TMEM196: variants seen among roughly 807,000 people sequenced by gnomAD.
TMEM196 encodes transmembrane protein 196.
In TMEM196, 17 loss-of-function variants were observed where a neutral mutation model predicts 20.0. That is an observed-to-expected ratio of 0.85 (90% CI 0.58 to 1.27). The LOEUF (loss-of-function observed/expected upper bound fraction) is 1.27, where lower values mean the gene tolerates loss of function less well. TMEM196 is among the 50% of genes most tolerant of loss of function. TMEM196 has a pLI of 0.00. For synonymous variants in TMEM196, 113 were observed against 88.9 expected (o/e 1.27, Z -1.52); for missense variants, 267 against 223.0 (o/e 1.20, Z -1.26).
At chr7:19,766,705 G>A (rs947411751) in intron 1 of TMEM196, among the ~76,000 whole-genome samples, 7 of 151,042 alleles carry the variant, frequency 4.6e-5, no homozygotes, top group South Asian at 2.1e-4. Context: ...TTTAGTTTGC[G>A]TGTGTGTGTA....
intron 1 of TMEM196, among the ~76,000 whole-genome samples, chr7:19,740,417 C>A (rs1212585345): frequency 6.6e-6 from 1 of 152,052 alleles, no homozygotes; most frequent in Non-Finnish European, 1.5e-5. Flanking sequence ...GGGGACTGAA[C>A]TTTTGTTGAA....
chr7:19,767,767 T>C (rs1785696773), intron 1 of TMEM196, among the ~76,000 whole-genome samples: 1 of 152,034 alleles, frequency 6.6e-6, no homozygotes, highest in Admixed American at 6.6e-5. Flanking sequence ...AAGTACTTGA[T>C]GTGGGAGAAA....
At chr7:19,770,917 C>T (rs1318059225) in intron 1 of TMEM196, among the ~76,000 whole-genome samples, 2 of 151,816 alleles carry the variant, frequency 1.3e-5, no homozygotes, top group African/African-American at 2.4e-5. Flanking sequence ...CTAGGGAAAA[C>T]CTAACTTAAT....
chr7:19,769,470 C>A (rs1323469497), intron 1 of TMEM196, among the ~76,000 whole-genome samples: 1 of 152,104 alleles, frequency 6.6e-6, no homozygotes, highest in Admixed American at 6.6e-5. Flanking sequence ...GCCTACTCTT[C>A]CTGGGCCACA....
chr7:19,729,849 T>C (rs1276097011), intron 1 of TMEM196, among the ~76,000 whole-genome samples: 1 of 152,176 alleles, frequency 6.6e-6, no homozygotes, highest in Non-Finnish European at 1.5e-5. Flanking sequence ...CAAAAGATAA[T>C]GCATCAGACA....
At chr7:19,767,836 A>G (rs182779530) in intron 1 of TMEM196, among the ~76,000 whole-genome samples, 23 of 152,132 alleles carry the variant, frequency 1.5e-4, no homozygotes, top group Admixed American at 1.1e-3. Flanking sequence ...ATTTGCAGTA[A>G]CTGAGAGGTT....
In TMEM196 at chr7:19,721,807, T is replaced by C. The variant is rs1780494975; in HGVS notation, c.*321A>G. ...TATAGAATATGCATTTTATTTCTGT[T>C]TTATTATCTCTTTTTCCTGAAAAGT... On this transcript the variant is annotated 3_prime_UTR_variant, in exon 5 of 5. Transcript: ENST00000405844. 1 of 348,350 alleles carries C rather than the reference T, an allele frequency of 2.9e-6. No homozygotes were observed. Among genetic ancestry groups the C allele is most frequent in the South Asian group, 4.4e-5 (1 of 22,752 alleles). 21.6% of individuals were successfully genotyped at this position (348,350 alleles called of 1,614,324 possible).
At chr7:19,742,087 C>A (rs991863694) in intron 1 of TMEM196, among the ~76,000 whole-genome samples, 1 of 152,070 alleles carries the variant, frequency 6.6e-6, no homozygotes, top group Non-Finnish European at 1.5e-5. Context: ...GGACGAAATC[C>A]AGATACTTTT....
At position 19,729,674 on chromosome 7, in the gene TMEM196, A is replaced by C. The variant is rs140982619; in HGVS notation, c.148-236T>G. Among the ~76,000 whole-genome samples the C allele has an allele frequency of 4.0e-3, 603 of 152,346 alleles. 6 individuals are homozygous for C. Among genetic ancestry groups the C allele is most frequent in the Middle Eastern group, 0.014 (4 of 294 alleles). ...AGGTAATTGAATCAGTTTTAGCATC[A>C]GGTAAAATTATTAAGTAAATGAATT... On this transcript the variant is annotated intron_variant, in intron 1 of 4. Transcript: ENST00000405844.
intron 1 of TMEM196, among the ~76,000 whole-genome samples, chr7:19,734,884 A>G (rs1784343995): frequency 6.6e-6 from 1 of 152,216 alleles, no homozygotes; most frequent in Non-Finnish European, 1.5e-5. Flanking sequence ...GAATTACTGG[A>G]AGTAGTATTC....
chr7:19,760,326 T>C (rs1452822826), intron 1 of TMEM196, among the ~76,000 whole-genome samples: 1 of 151,732 alleles, frequency 6.6e-6, no homozygotes, highest in East Asian at 1.9e-4. Context: ...AGTTATTTTA[T>C]ATTCTTCATA....
At chr7:19,728,553 TC>T (rs1301410369) in intron 2 of TMEM196, among the ~76,000 whole-genome samples, 1 of 152,186 alleles carries the variant, frequency 6.6e-6, no homozygotes, top group Non-Finnish European at 1.5e-5. Flanking sequence ...CTGCAATGCT[TC>T]CCATTCCCTG....
rs1028350023 is a variant in TMEM196, at chr7:19,728,131, AAAC to A, written c.204+1248_204+1250del. ...GAAGTGCCACTATTGCCTTTGTATA[AAAC>A]AACAACAACAAAAAGCCTCTTCCTT... is the stretch of plus-strand genomic sequence containing the variant. On this transcript the variant is annotated intron_variant, in intron 2 of 4. Coordinates refer to ENST00000405844, the MANE Select transcript of TMEM196 (RefSeq NM_001363562.2). Among the ~76,000 whole-genome samples the A allele has an allele frequency of 3.9e-5, 6 of 152,192 alleles. No homozygotes were observed. The East Asian group carries it at 7.7e-4, about 20-fold the overall frequency.
intron 1 of TMEM196, 133 bp from the exon 2 acceptor site, chr7:19,729,571 G>C (rs1784124814): frequency 1.3e-6 from 1 of 759,860 alleles, no homozygotes; most frequent in South Asian, 2.0e-5. Context: ...AACCTGGAGA[G>C]GATAAGATCT....
intron 1 of TMEM196, among the ~76,000 whole-genome samples, chr7:19,768,725 C>T (rs773784773): frequency 1.3e-5 from 2 of 152,262 alleles, no homozygotes; most frequent in East Asian, 1.9e-4. Flanking sequence ...GCTATAATGA[C>T]ACCTATAGCT....
intron 1 of TMEM196, among the ~76,000 whole-genome samples, chr7:19,750,630 C>T (rs950670983): frequency 1.3e-5 from 2 of 152,112 alleles, no homozygotes; most frequent in East Asian, 1.9e-4. Context: ...AATAGGACAA[C>T]AGAGATTAAA....
rs971218622 is a variant in TMEM196 at position 19,719,883 on chromosome 7, A to G, written c.*2245T>C. ...TTTTTAACTATACATCAAAGCAGTG[A>G]TATGTCTCCTTTTGTCCTTTAATGT... On this transcript the variant is annotated 3_prime_UTR_variant, in exon 5 of 5. Coordinates refer to ENST00000405844, the MANE Select transcript of TMEM196 (RefSeq NM_001363562.2). 1 of 152,066 alleles carries G rather than the reference A, an allele frequency of 6.6e-6. No homozygotes were observed. The highest frequency in any genetic ancestry group is 2.4e-5 in the African/African-American group (1 of 41,436). The allele number at this position is 152,066 out of a possible 1,614,324, so 9.4% of individuals were successfully genotyped here.
chr7:19,738,757 G>T (rs1445862214), intron 1 of TMEM196, among the ~76,000 whole-genome samples: 1 of 152,002 alleles, frequency 6.6e-6, no homozygotes, highest in Non-Finnish European at 1.5e-5. Flanking sequence ...AAATATCCTT[G>T]AGGCCATAAA....
rs189590991 is a variant in TMEM196, at chr7:19,719,723, G to A, written c.*2405C>T. On this transcript the variant is annotated 3_prime_UTR_variant, in exon 5 of 5. Coordinates refer to ENST00000405844, the MANE Select transcript of TMEM196 (RefSeq NM_001363562.2). ...TCCCCCACTTATCTAAAAAAGAATC[G>A]CCGCACATCCCAAGTAAATCATTCT... 57 of 152,046 alleles carry A rather than the reference G, an allele frequency of 3.7e-4. No individual in the cohort carries two copies. In the East Asian group the frequency reaches 5.4e-3, roughly 14 times the overall value. 9.4% of individuals were successfully genotyped at this position (152,046 alleles called of 1,614,324 possible).
Sources: allele counts gnomAD v4.1 joint callset (sites outside exome capture counted in the v4.1 genomes callset), GRCh38; gene constraint gnomAD v4.1.1; transcripts MANE v1.5; gene names NCBI Gene and HGNC (gene_info 2026-07-23, HGNC 2026-07-21).